SPSB1: variants seen among roughly 807,000 people sequenced by gnomAD.
SPSB1 encodes splA/ryanodine receptor domain and SOCS box containing 1.
SPSB1 carries 8 observed loss-of-function variants against 21.2 expected under a neutral mutation model. That is an observed-to-expected ratio of 0.38 (90% CI 0.22 to 0.68). SPSB1 has a LOEUF of 0.68. Among genes scored for constraint, SPSB1 ranks in the 30% least tolerant of loss-of-function variants. The pLI, the probability that SPSB1 is intolerant of heterozygous loss-of-function variation, is 0.53. For synonymous variants in SPSB1, 169 were observed against 161.7 expected (o/e 1.05, Z -0.34); for missense variants, 242 against 377.8 (o/e 0.64, Z 2.98).
In SPSB1 at chr1:9,305,846, C is replaced by T. The variant is rs947057296; in HGVS notation, c.-150+12775C>T. Reference sequence around the variant, plus strand: ...TCTAGTGGGTGAGACAGGCCCGTCTCTGCTGATGATAGCGCTCAGGGTATC... The same window carrying T: ...TCTAGTGGGTGAGACAGGCCCGTCTTTGCTGATGATAGCGCTCAGGGTATC... On this transcript the variant is annotated intron_variant, in intron 1 of 2. Transcript: ENST00000328089. The surrounding 1 kb of genome is among the most constrained non-coding windows in gnomAD (Gnocchi z 4.8). Among the ~76,000 whole-genome samples the T allele has an allele frequency of 6.6e-6, 1 of 152,142 alleles. No homozygotes were observed. Among genetic ancestry groups the T allele is most frequent in the Non-Finnish European group, 1.5e-5 (1 of 68,034 alleles).
intron 2 of SPSB1, among the ~76,000 whole-genome samples, chr1:9,365,069 C>A (rs1640545650): frequency 6.6e-6 from 1 of 152,192 alleles, no homozygotes; most frequent in Non-Finnish European, 1.5e-5. Flanking sequence ...GTTGGCCAGG[C>A]TGGTCTTGAA....
chr1:9,356,734 T>G lies in SPSB1; in HGVS notation c.694+149T>G, dbSNP rs1640370027. 7.6e-7 allele frequency: 1 copy of G among 1,317,046 alleles called. No individual in the cohort carries two copies. The highest frequency in any genetic ancestry group is 1.5e-5 in the African/African-American group (1 of 67,564). The allele number at this position is 1,317,046 out of a possible 1,614,324, so 81.6% of individuals were successfully genotyped here. A position where few individuals can be genotyped will look rare whatever the true frequency, so the allele number is the denominator to read the frequency against. ...CAGACCCTCAGAGGCAACTTTTGCATCGGGTTAAGTGAGGAATTCTACCCA... is the reference window on the plus strand; with the variant it reads ...CAGACCCTCAGAGGCAACTTTTGCAGCGGGTTAAGTGAGGAATTCTACCCA... On this transcript the variant is annotated intron_variant, in intron 2 of 2. Coordinates refer to ENST00000328089, the MANE Select transcript of SPSB1 (RefSeq NM_025106.4). The surrounding 1 kb of genome is among the most constrained non-coding windows in gnomAD (Gnocchi z 7.4).
chr1:9,301,511 A>G (rs1286021243), intron 1 of SPSB1, among the ~76,000 whole-genome samples: 2 of 151,146 alleles, frequency 1.3e-5, no homozygotes. Context: ...CCAAACAAAA[A>G]AGCAATTGGG....
chr1:9,328,036 G>A (rs1487030426), intron 1 of SPSB1, among the ~76,000 whole-genome samples: 1 of 152,216 alleles, frequency 6.6e-6, no homozygotes, highest in African/African-American at 2.4e-5. Context: ...GGAGGATTTC[G>A]AGGGCCATGG....
At chr1:9,304,336 T>A (rs1639379225) in intron 1 of SPSB1, among the ~76,000 whole-genome samples, 1 of 152,112 alleles carries the variant, frequency 6.6e-6, no homozygotes, top group Non-Finnish European at 1.5e-5. Context: ...TGGCCTGTAG[T>A]GGGACTCAGC....
chr1:9,325,784 T>G (rs1022633648), intron 1 of SPSB1, among the ~76,000 whole-genome samples: 1 of 152,152 alleles, frequency 6.6e-6, no homozygotes, highest in African/African-American at 2.4e-5. Flanking sequence ...GCAGGATGGC[T>G]GAGAAAGGCC....
In SPSB1 at chr1:9,356,597, C is replaced by T; in HGVS notation, c.694+12C>T. ...GAACGGACTCGATCGTAAGTGTCTC[C>T]TCTGCTGTCAGAGGCAATGCCCTCC... On this transcript the variant is annotated intron_variant, in intron 2 of 2. Coordinates refer to ENST00000328089, the MANE Select transcript of SPSB1 (RefSeq NM_025106.4). The surrounding 1 kb of genome is among the most constrained non-coding windows in gnomAD (Gnocchi z 7.4). The T allele has an allele frequency of 6.4e-7, 1 of 1,571,426 alleles. No individual in the cohort carries two copies. The highest frequency in any genetic ancestry group is 8.7e-7 in the Non-Finnish European group (1 of 1,154,818).
chr1:9,342,464 A>G (rs1238175131), intron 1 of SPSB1, among the ~76,000 whole-genome samples: 1 of 152,172 alleles, frequency 6.6e-6, no homozygotes, highest in Non-Finnish European at 1.5e-5. Context: ...TGGCTTGTCA[A>G]TTCGCTGATA....
chr1:9,356,707 T>C lies in SPSB1; in HGVS notation c.694+122T>C, dbSNP rs1414891663. On this transcript the variant is annotated intron_variant, in intron 2 of 2. Transcript: ENST00000328089. This position sits in a 1 kb window ranked among gnomAD's most constrained non-coding sequence, Gnocchi z 7.4. ...GTTTTGAAGACGATATTCCAGTGTA[T>C]TCAGACCCTCAGAGGCAACTTTTGC... The C allele has an allele frequency of 3.2e-5, 46 of 1,431,816 alleles. No homozygotes were observed. The highest frequency in any genetic ancestry group is 4.2e-5 in the Non-Finnish European group (46 of 1,093,992). The allele number at this position is 1,431,816 out of a possible 1,614,324, so 88.7% of individuals were successfully genotyped here.
At chr1:9,319,865 C>T (rs939474926) in intron 1 of SPSB1, among the ~76,000 whole-genome samples, 6 of 152,058 alleles carry the variant, frequency 3.9e-5, no homozygotes, top group Non-Finnish European at 8.8e-5. Context: ...CCCAGCCAGT[C>T]GCCACCTGGC....
chr1:9,348,807 T>G lies in SPSB1; in HGVS notation c.-149-6936T>G, dbSNP rs1339250058. 2.0e-5 allele frequency among the ~76,000 whole-genome samples: 3 copies of G among 150,560 alleles called. No individual in the cohort carries two copies. The highest frequency in any genetic ancestry group is 4.4e-5 in the Non-Finnish European group (3 of 67,664). ...CCCAGGCTGCCACCGAGAAATCCAG[T>G]AGGGTCACGCGGCTCTGATGGGTGT... On this transcript the variant is annotated intron_variant, in intron 1 of 2. Coordinates refer to ENST00000328089, the MANE Select transcript of SPSB1 (RefSeq NM_025106.4). This position sits in a 1 kb window ranked among gnomAD's most constrained non-coding sequence, Gnocchi z 4.8.
intron 1 of SPSB1, among the ~76,000 whole-genome samples, chr1:9,296,926 T>C (rs1249784280): frequency 6.6e-6 from 1 of 152,198 alleles, no homozygotes; most frequent in African/African-American, 2.4e-5. Context: ...TTCTGTTCAT[T>C]GCCCAACGTT....
At chr1:9,338,929 G>C (rs72643833) in intron 1 of SPSB1, among the ~76,000 whole-genome samples, 2 of 152,220 alleles carry the variant, frequency 1.3e-5, no homozygotes, top group African/African-American at 4.8e-5. Context: ...CATTCTGGAG[G>C]ACTCTGGAAA....
chr1:9,326,775 G>A (rs771657963), intron 1 of SPSB1, among the ~76,000 whole-genome samples: 38 of 152,220 alleles, frequency 2.5e-4, no homozygotes, highest in Non-Finnish European at 4.6e-4. Context: ...TGCTTCTGAG[G>A]GGCCTTCCTC....
chr1:9,315,906 C>T (rs1393606346), intron 1 of SPSB1, among the ~76,000 whole-genome samples: 1 of 152,236 alleles, frequency 6.6e-6, no homozygotes, highest in African/African-American at 2.4e-5. Context: ...AGTTTTCTTT[C>T]CCAAGAAGAG....
chr1:9,350,276 G>A (rs1033327562), intron 1 of SPSB1, among the ~76,000 whole-genome samples: 2 of 152,252 alleles, frequency 1.3e-5, no homozygotes, highest in African/African-American at 4.8e-5. Flanking sequence ...GAGGGCTGCG[G>A]ACAGGAGAAC....
At chr1:9,340,661 GC>G (rs1640076699) in intron 1 of SPSB1, among the ~76,000 whole-genome samples, 1 of 152,236 alleles carries the variant, frequency 6.6e-6, no homozygotes, top group South Asian at 2.1e-4. Flanking sequence ...GGTCTGAGCC[GC>G]CTGTGCTGTG....
chr1:9,295,045 G>T (rs1188379809), intron 1 of SPSB1, among the ~76,000 whole-genome samples: 1 of 152,174 alleles, frequency 6.6e-6, no homozygotes, highest in Non-Finnish European at 1.5e-5. Context: ...GTTGCTCTTG[G>T]TTACTGTCCC....
At chr1:9,329,283 T>G (rs1473582492) in intron 1 of SPSB1, among the ~76,000 whole-genome samples, 1 of 151,794 alleles carries the variant, frequency 6.6e-6, no homozygotes, top group Non-Finnish European at 1.5e-5. Context: ...AGATCCCGGA[T>G]GGGTGGATGG....
Sources: gnomAD v4.1 joint callset for allele counts (sites outside exome capture counted in the v4.1 genomes callset) on GRCh38, gnomAD v4.1.1 for gene constraint, Gnocchi (gnomAD v3.1) non-coding constraint, MANE v1.5 for transcripts, NCBI Gene and HGNC (gene_info 2026-07-23, HGNC 2026-07-21) for gene names.